Variants in GPAT3 observed in about 807,000 individuals in gnomAD.
The protein encoded by GPAT3 is glycerol-3-phosphate acyltransferase 3, also known as 1-AGP acyltransferase 9.
In GPAT3, 53 loss-of-function variants were observed where a neutral mutation model predicts 58.8. The ratio of observed to expected loss-of-function variants is 0.90; its 90% CI spans 0.72 to 1.13. GPAT3 has a LOEUF of 1.13. GPAT3 is among the 50% of genes most tolerant of loss of function. The pLI is 0.00. For missense variants in GPAT3, 511 were observed against 527.6 expected, an observed-to-expected ratio of 0.97 and a Z score of 0.31; for synonymous variants, 197 against 187.4, an observed-to-expected ratio of 1.05 and a Z score of -0.42.
At chr4:83,563,773 A>G (rs62305333) in intron 2 of GPAT3, among the ~76,000 whole-genome samples, 28,332 of 152,048 alleles carry the variant, frequency 0.19, 3,100 homozygotes, top group East Asian at 0.31. Flanking sequence ...GAGCCACTGT[A>G]CCCGGCCAAG....
intron 1 of GPAT3, 47 bp downstream of exon 1, chr4:83,536,810 A>G (rs751239239): frequency 6.4e-7 from 1 of 1,551,832 alleles, no homozygotes; most frequent in Non-Finnish European, 8.7e-7. Flanking sequence ...CTGCGGGCTG[A>G]GAACCCGGGG....
intron 6 of GPAT3, 124 bp from the exon 7 acceptor site, chr4:83,594,721 A>G: frequency 1.3e-6 from 1 of 744,904 alleles, no homozygotes; most frequent in Admixed American, 2.4e-5. Flanking sequence ...TCAGACTAAG[A>G]ACTTCAGTCA....
chr4:83,576,233 A>G (rs1370694867), intron 2 of GPAT3, among the ~76,000 whole-genome samples: 1 of 152,102 alleles, frequency 6.6e-6, no homozygotes. Flanking sequence ...GTCTCTCCTT[A>G]ATGGACTTTA....
At chr4:83,544,457 C>T in intron 1 of GPAT3, 79 bp from the exon 2 acceptor site, 1 of 1,423,100 alleles carries the variant, frequency 7.0e-7, no homozygotes, top group Non-Finnish European at 9.9e-7. Flanking sequence ...TGTAATTTCA[C>T]TTCTGTATAA....
At chr4:83,559,584 A>G (rs1356008297) in intron 2 of GPAT3, among the ~76,000 whole-genome samples, 1 of 152,164 alleles carries the variant, frequency 6.6e-6, no homozygotes, top group East Asian at 1.9e-4. Context: ...TCGGCCCCCC[A>G]AAGTGTGGGA....
At chr4:83,590,822 G>T (rs1726566372) in intron 6 of GPAT3, among the ~76,000 whole-genome samples, 1 of 148,634 alleles carries the variant, frequency 6.7e-6, no homozygotes, top group South Asian at 2.1e-4. Flanking sequence ...AAACTACAAA[G>T]CCTACAGTAA....
At chr4:83,583,667 GAAAAAAAA>G (rs749976752) in intron 3 of GPAT3, among the ~76,000 whole-genome samples, 7 of 23,478 alleles carry the variant, frequency 3.0e-4, no homozygotes, top group African/African-American at 1.1e-3. Context: ...ACTCTTGTCT[GAAAAAAAA>G]AAAAAAAAAA....
intron 2 of GPAT3, among the ~76,000 whole-genome samples, chr4:83,570,474 T>C (rs1232772188): frequency 6.8e-6 from 1 of 148,028 alleles, no homozygotes. Context: ...GAGAACTCTT[T>C]TTTTTTTTTT....
chr4:83,571,697 TAC>T (rs1054346746), intron 2 of GPAT3, among the ~76,000 whole-genome samples: 6 of 101,970 alleles, frequency 5.9e-5, no homozygotes, highest in Non-Finnish European at 9.9e-5. Context: ...TATATATATA[TAC>T]ACACACACAT....
In GPAT3 at chr4:83,587,413, C is replaced by A. The variant is rs562742173; in HGVS notation, c.554+84C>A. ...CACAAAGAGAATATTTGTTTGATTC[C>A]TATGTATTGCATTATTATTATTATT... On this transcript the variant is annotated intron_variant, in intron 4 of 11. Transcript: ENST00000264409. The A allele has an allele frequency of 3.4e-6, 4 of 1,168,052 alleles. No individual in the cohort carries two copies. In the East Asian group the frequency reaches 9.4e-5, roughly 27 times the overall value. The allele number at this position is 1,168,052 out of a possible 1,614,324, so 72.4% of individuals were successfully genotyped here.
chr4:83,587,741 T>G (rs1726432750), intron 4 of GPAT3, among the ~76,000 whole-genome samples: 1 of 152,220 alleles, frequency 6.6e-6, no homozygotes, highest in African/African-American at 2.4e-5. Context: ...GCATTAAATT[T>G]ATGTTCTCTA....
intron 2 of GPAT3, among the ~76,000 whole-genome samples, chr4:83,565,318 C>T (rs1725340505): frequency 6.6e-6 from 1 of 151,862 alleles, no homozygotes; most frequent in South Asian, 2.1e-4. Context: ...CCGGGCTGGT[C>T]TCGAACTCCT....
chr4:83,578,987 T>C (rs1288842286), intron 2 of GPAT3, among the ~76,000 whole-genome samples: 1 of 129,732 alleles, frequency 7.7e-6, no homozygotes, highest in African/African-American at 3.4e-5. Flanking sequence ...TTTCTTTCTT[T>C]CCTTCCTTCC....
At chr4:83,563,995 A>G (rs1174260185) in intron 2 of GPAT3, among the ~76,000 whole-genome samples, 1 of 152,264 alleles carries the variant, frequency 6.6e-6, no homozygotes, top group African/African-American at 2.4e-5. Flanking sequence ...TGCTTAAAAA[A>G]TGATGCTGAA....
intron 2 of GPAT3, among the ~76,000 whole-genome samples, chr4:83,562,879 G>C (rs2110083382): frequency 6.6e-6 from 1 of 152,110 alleles, no homozygotes; most frequent in Admixed American, 6.5e-5. Context: ...CTACTCTTGT[G>C]GGCTATATTT....
chr4:83,542,153 A>G (rs1724328549), intron 1 of GPAT3, among the ~76,000 whole-genome samples: 1 of 152,232 alleles, frequency 6.6e-6, no homozygotes, highest in Non-Finnish European at 1.5e-5. Flanking sequence ...TTCTAGTCTA[A>G]GATAACTACT....
At chr4:83,551,813 A>AAAATCTATCTATCT (rs768726930) in intron 2 of GPAT3, among the ~76,000 whole-genome samples, 4,950 of 101,848 alleles carry the variant, frequency 0.049, 235 homozygotes, top group Middle Eastern at 0.078. Context: ...AAAAAAAAAA[A>AAAATCTATCTATCT]ATCTATCTAT....
chr4:83,591,422 C>G (rs1434632142), intron 6 of GPAT3, among the ~76,000 whole-genome samples: 2 of 152,122 alleles, frequency 1.3e-5, no homozygotes, highest in Non-Finnish European at 2.9e-5. Context: ...TAATGGAGCT[C>G]TTTCTGAATC....
At chr4:83,569,425 T>G (rs529350964) in intron 2 of GPAT3, among the ~76,000 whole-genome samples, 13 of 152,300 alleles carry the variant, frequency 8.5e-5, no homozygotes, top group Non-Finnish European at 1.8e-4. Flanking sequence ...CTATAAACCT[T>G]GCCTGGCTGA....
Sources: allele counts gnomAD v4.1 joint callset (sites outside exome capture counted in the v4.1 genomes callset), GRCh38; gene constraint gnomAD v4.1.1; transcripts MANE v1.5; gene names NCBI Gene and HGNC (gene_info 2026-07-23, HGNC 2026-07-21).